The following TMEM269 variants were observed in gnomAD, a reference collection of about 807,000 sequenced individuals.
TMEM269 encodes the protein transmembrane protein 269.
TMEM269 carries 12 observed loss-of-function variants against 15.8 expected under a neutral mutation model. That is an observed-to-expected ratio of 0.76 (90% CI 0.49 to 1.23). TMEM269 has a LOEUF of 1.23. Among genes scored for constraint, TMEM269 ranks in the 50% most tolerant of loss-of-function variants. The pLI is 0.00. For missense variants in TMEM269, 211 were observed against 245.4 expected, an observed-to-expected ratio of 0.86 and a Z score of 0.94; for synonymous variants, 93 against 99.3, an observed-to-expected ratio of 0.94 and a Z score of 0.38.
At position 42,799,163 on chromosome 1, in the gene TMEM269, G is replaced by T. The variant is rs1040391616; in HGVS notation, c.*938G>T. ...ATCTCGTGTGGATTTTCTTTCCTAC[G>T]CTGGAAACTACTAAACTCTAGCTAT... On this transcript the variant is annotated 3_prime_UTR_variant, in exon 6 of 6. Coordinates refer to ENST00000637012, the MANE Select transcript of TMEM269 (RefSeq NM_001354602.2). 5 of 151,524 alleles carry T rather than the reference G, an allele frequency of 3.3e-5. No individual in the cohort carries two copies. The highest frequency in any genetic ancestry group is 1.2e-4 in the African/African-American group (5 of 41,154). The allele number at this position is 151,524 out of a possible 1,614,324, so 9.4% of individuals were successfully genotyped here.
In TMEM269 at chr1:42,792,891, G is replaced by C; in HGVS notation, c.128G>C (p.Cys43Ser). Residue 43 changes from cysteine to serine, a missense_variant, in exon 3 of 6, where the codon TGC becomes TCC. Physicochemically the swap from Cys to Ser is moderately radical, Grantham distance 112. Transcript: ENST00000637012. Reference protein sequence around the residue: ...VRAMTSHINICSKLGAELNDF... With the variant: ...VRAMTSHINISSKLGAELNDF... ...GCAATGACCAGCCACATCAACATAT[G>C]CTCCAAATTGGGTGAGTTCAGGCCC... is the stretch of plus-strand genomic sequence containing the variant. 1 of 1,550,482 alleles carries C rather than the reference G, an allele frequency of 6.4e-7. No homozygotes were observed. Among genetic ancestry groups the C allele is most frequent in the Non-Finnish European group, 8.7e-7 (1 of 1,146,930 alleles).
Position 42,798,201 on chromosome 1 carries a change from A to C in TMEM269, c.588A>C (p.Ala196=). 1 of 1,548,090 alleles carries C rather than the reference A, an allele frequency of 6.5e-7. No homozygotes were observed. The highest frequency in any genetic ancestry group is 1.2e-5 in the South Asian group (1 of 84,056). Residue 196 remains alanine (A), a synonymous_variant, in exon 6 of 6, where the codon GCA becomes GCC. Transcript: ENST00000637012. ...IFFPDALWGK[A]ACLSPQH The stretch of plus-strand genomic sequence containing the variant: ...TTCCAGATGCTCTGTGGGGCAAGGC[A>C]GCCTGTCTTTCGCCACAGCACTGAG...
At chr1:42,792,682 A>G in intron 2 of TMEM269, 123 bp from the exon 3 acceptor site, 1 of 670,678 alleles carries the variant, frequency 1.5e-6, no homozygotes, top group Admixed American at 2.1e-5. Flanking sequence ...TATGTGTGCA[A>G]GTGTGGGAGG....
rs1056321137 is a variant in TMEM269 at position 42,798,547 on chromosome 1, C to T, written c.*322C>T. 3.5e-6 allele frequency: 1 copy of T among 287,336 alleles called. No homozygotes were observed. The highest frequency in any genetic ancestry group is 2.1e-5 in the African/African-American group (1 of 46,904). The allele number at this position is 287,336 out of a possible 1,614,324, so 17.8% of individuals were successfully genotyped here. A position where few individuals can be genotyped will look rare whatever the true frequency, so the allele number is the denominator to read the frequency against. On this transcript the variant is annotated 3_prime_UTR_variant, in exon 6 of 6. Transcript: ENST00000637012. ...CGGGTGACTGTGTGCTACTAAGGTC[C>T]ATCCCTTGGAAAGGAGTGAGAGCCT...
chr1:42,794,921 C>T (rs941233999), intron 5 of TMEM269, among the ~76,000 whole-genome samples: 1 of 152,190 alleles, frequency 6.6e-6, no homozygotes, highest in African/African-American at 2.4e-5. Context: ...AAGCACCCAC[C>T]GTGTGCCAGG....
At chr1:42,786,882 CT>C in intron 1 of TMEM269, among the ~76,000 whole-genome samples, 1 of 152,332 alleles carries the variant, frequency 6.6e-6, no homozygotes, top group South Asian at 2.1e-4. Flanking sequence ...CCTTTCACAC[CT>C]GGGACCTGTG....
In TMEM269 at chr1:42,797,978, T is replaced by C; in HGVS notation, c.485-120T>C. ...CAGGGCTCCTGTCTCTTTCTGTTTGTTTCTTAGGCACTGTGGGTGAAAAGT... is the reference window on the plus strand; with the variant it reads ...CAGGGCTCCTGTCTCTTTCTGTTTGCTTCTTAGGCACTGTGGGTGAAAAGT... On this transcript the variant is annotated intron_variant, in intron 5 of 5. Coordinates refer to ENST00000637012, the MANE Select transcript of TMEM269 (RefSeq NM_001354602.2). This position sits in a 1 kb window ranked among gnomAD's most constrained non-coding sequence, Gnocchi z 4.9. The C allele has an allele frequency of 1.7e-6, 2 of 1,144,958 alleles. No individual in the cohort carries two copies. Among genetic ancestry groups the C allele is most frequent in the Non-Finnish European group, 2.6e-6 (2 of 781,172 alleles). The allele number at this position is 1,144,958 out of a possible 1,614,324, so 70.9% of individuals were successfully genotyped here.
intron 1 of TMEM269, among the ~76,000 whole-genome samples, chr1:42,785,569 T>G (rs1243543780): frequency 6.6e-6 from 1 of 151,904 alleles, no homozygotes; most frequent in Non-Finnish European, 1.5e-5. Context: ...CAAGCCGCCC[T>G]GCGCTTCCTG....
rs1653820071 is a variant in TMEM269, at chr1:42,798,126, GTC to G, written c.517_518del (p.Leu173ValfsTer57). 2.6e-6 allele frequency: 4 copies of G among 1,551,074 alleles called. No homozygotes were observed. The highest frequency in any genetic ancestry group is 3.5e-6 in the Non-Finnish European group (4 of 1,147,118). The stretch of plus-strand genomic sequence containing the variant: ...TCATCATGCTGTTTTTCTCCCCATT[GTC>G]TCTGTCTGCTTTTTACTGCCTGATG... The part of the protein sequence containing the change: ...GVIMLFFSPL[S>X]LSAFYCLMWS... On this transcript the variant is annotated frameshift_variant, in exon 6 of 6. Transcript: ENST00000637012. LOFTEE classifies it high-confidence loss of function.
intron 1 of TMEM269, chr1:42,789,422 C>G (rs192037291): frequency 2.0e-6 from 3 of 1,535,320 alleles, no homozygotes; most frequent in Non-Finnish European, 2.6e-6. Flanking sequence ...TGACAAGGGC[C>G]CACCTCTCAG....
intron 1 of TMEM269, among the ~76,000 whole-genome samples, chr1:42,786,487 G>T (rs1338816363): frequency 6.6e-6 from 1 of 152,226 alleles, no homozygotes; most frequent in Non-Finnish European, 1.5e-5. Context: ...GAAGGGTGGG[G>T]AGGACTGAGA....
chr1:42,793,478 C>A (rs949406089), intron 3 of TMEM269, 123 bp from the exon 4 acceptor site: 2 of 945,798 alleles, frequency 2.1e-6, no homozygotes, highest in African/African-American at 1.7e-5. Flanking sequence ...CCCAGGGGAG[C>A]AGCTGTTGCT....
Position 42,793,605 on chromosome 1 carries a change from C to T in TMEM269, c.144C>T (p.Ala48=), listed in dbSNP as rs185329004. 1.9e-5 allele frequency: 29 copies of T among 1,549,314 alleles called. No homozygotes were observed. In the East Asian group the frequency reaches 5.9e-4, roughly 31 times the overall value. The change falls in exon 4 of 6, where the codon GCC becomes GCT. Residue 48 remains alanine, a synonymous_variant. Coordinates refer to ENST00000637012, the MANE Select transcript of TMEM269 (RefSeq NM_001354602.2). ...ACCTTGGGCCGTCTGGGGCAGGAGC[C>T]GAGCTGAATGACTTTGCCGTCTTCA... ...SHINICSKLG[A]ELNDFAVFTT...
At position 42,800,149 on chromosome 1, in the gene TMEM269, G is replaced by A. The variant is rs1281337271; in HGVS notation, c.*1924G>A. The A allele has an allele frequency of 6.6e-6, 1 of 152,328 alleles. No homozygotes were observed. The highest frequency in any genetic ancestry group is 1.9e-4 in the East Asian group (1 of 5,194). 9.4% of individuals were successfully genotyped at this position (152,328 alleles called of 1,614,324 possible). A position where few individuals can be genotyped will look rare whatever the true frequency, so the allele number is the denominator to read the frequency against. ...TGAAAAGTAAAATGCCCATTTGGAT[G>A]TGTAAATTATCGCTTGATTGTAATG... On this transcript the variant is annotated 3_prime_UTR_variant, in exon 6 of 6. Coordinates refer to ENST00000637012, the MANE Select transcript of TMEM269 (RefSeq NM_001354602.2).
chr1:42,798,249 TC>T lies in TMEM269; in HGVS notation c.*26del. The T allele has an allele frequency of 6.5e-7, 1 of 1,542,408 alleles. No individual in the cohort carries two copies. The highest frequency in any genetic ancestry group is 8.7e-7 in the Non-Finnish European group (1 of 1,146,892). ...GAGGAAGCTAAGCAGCTCTACCAGC[TC>T]CTGCCGGCCTCTGTGGGGTTTGTGT... On this transcript the variant is annotated 3_prime_UTR_variant, in exon 6 of 6. Coordinates refer to ENST00000637012, the MANE Select transcript of TMEM269 (RefSeq NM_001354602.2).
At chr1:42,796,008 C>T (rs1351007621) in intron 5 of TMEM269, among the ~76,000 whole-genome samples, 1 of 152,190 alleles carries the variant, frequency 6.6e-6, no homozygotes, top group Non-Finnish European at 1.5e-5. Flanking sequence ...AAGACCTGAG[C>T]CCAAGCTCTA....
intron 5 of TMEM269, among the ~76,000 whole-genome samples, chr1:42,795,196 GGGAGGTTCA>G (rs958617572): frequency 6.6e-6 from 1 of 152,160 alleles, no homozygotes; most frequent in Non-Finnish European, 1.5e-5. Context: ...GGTGGGGATG[GGGAGGTTCA>G]GGAGGTTCAG....
At position 42,797,958 on chromosome 1, in the gene TMEM269, C is replaced by A; in HGVS notation, c.485-140C>A. 1.1e-6 allele frequency: 1 copy of A among 920,720 alleles called. No homozygotes were observed. Among genetic ancestry groups the A allele is most frequent in the Non-Finnish European group, 1.7e-6 (1 of 576,776 alleles). 57.0% of individuals were successfully genotyped at this position (920,720 alleles called of 1,614,324 possible). ...TATTAAACTGAACTTGAAGACAGGG[C>A]TCCTGTCTCTTTCTGTTTGTTTCTT... On this transcript the variant is annotated intron_variant, in intron 5 of 5. Coordinates refer to ENST00000637012, the MANE Select transcript of TMEM269 (RefSeq NM_001354602.2). The surrounding 1 kb of genome is among the most constrained non-coding windows in gnomAD (Gnocchi z 4.9).
At chr1:42,785,717 G>A (rs1437329086) in intron 1 of TMEM269, among the ~76,000 whole-genome samples, 1 of 152,152 alleles carries the variant, frequency 6.6e-6, no homozygotes, top group Non-Finnish European at 1.5e-5. Context: ...TCCCTCCCAG[G>A]ATCCATCTCC....
Sources: gnomAD v4.1 joint callset for allele counts (sites outside exome capture counted in the v4.1 genomes callset) on GRCh38, gnomAD v4.1.1 for gene constraint, Gnocchi (gnomAD v3.1) non-coding constraint, MANE v1.5 for transcripts, NCBI Gene and HGNC (gene_info 2026-07-23, HGNC 2026-07-21) for gene names.